Variants in PPFIA2 observed in about 807,000 individuals in gnomAD.
The protein encoded by PPFIA2 is liprin-alpha-2.
Under a neutral mutation model 175.5 loss-of-function variants are expected in PPFIA2, and 46 were observed. The observed-to-expected ratio is 0.26, with a 90% CI of 0.21 to 0.34. PPFIA2 has a LOEUF of 0.34. Among genes scored for constraint, PPFIA2 ranks in the 10% least tolerant of loss-of-function variants. PPFIA2 has a pLI of 1.00. For synonymous variants in PPFIA2, 568 were observed against 511.4 expected (o/e 1.11, Z -1.49); for missense variants, 1,179 against 1,506.1 (o/e 0.78, Z 3.60).
chr12:81,479,007 G>C (rs748750745), intron 4 of PPFIA2, among the ~76,000 whole-genome samples: 1 of 152,052 alleles, frequency 6.6e-6, no homozygotes, highest in Non-Finnish European at 1.5e-5. Flanking sequence ...ATTTAATATT[G>C]ACAGTGGGGT....
At chr12:81,555,452 G>A (rs558972696) in intron 4 of PPFIA2, among the ~76,000 whole-genome samples, 366 of 152,008 alleles carry the variant, frequency 2.4e-3, no homozygotes, top group African/African-American at 8.5e-3. Context: ...AATGAATGAT[G>A]TTGGCACATT....
chr12:81,678,225 CAATTGA>C (rs2072944620), intron 3 of PPFIA2, among the ~76,000 whole-genome samples: 1 of 151,576 alleles, frequency 6.6e-6, no homozygotes, highest in South Asian at 2.1e-4. Flanking sequence ...AATTAAGTCC[CAATTGA>C]AGTAATGGAA....
rs1336447780 is a variant in PPFIA2, at chr12:81,754,239, T to C, written c.-2-16A>G. On this transcript the variant is annotated splice_polypyrimidine_tract_variant and intron_variant, in intron 2 of 32. Coordinates refer to ENST00000549396, the MANE Select transcript of PPFIA2 (RefSeq NM_003625.5). ...CACATCATTGCTTAAAGAAAGTAAG[T>C]GGGAAGGAGTCTTAGTAAAGAAATG... is the stretch of plus-strand genomic sequence containing the variant. 5 of 1,576,752 alleles carry C rather than the reference T, an allele frequency of 3.2e-6. No homozygotes were observed. In the South Asian group the frequency reaches 4.6e-5, roughly 14 times the overall value.
intron 4 of PPFIA2, among the ~76,000 whole-genome samples, chr12:81,664,049 T>A (rs954187940): frequency 6.6e-6 from 1 of 152,166 alleles, no homozygotes; most frequent in Admixed American, 6.5e-5. Context: ...CAACATGGAT[T>A]AAAGACTTAA....
chr12:81,702,052 G>A (rs1257180133), intron 3 of PPFIA2, among the ~76,000 whole-genome samples: 3 of 152,120 alleles, frequency 2.0e-5, no homozygotes, highest in Non-Finnish European at 4.4e-5. Context: ...TGGGATGTAA[G>A]CTGGCATTTC....
intron 22 of PPFIA2, chr12:81,302,341 T>G (rs1338436459): frequency 4.1e-6 from 1 of 245,100 alleles, no homozygotes; most frequent in East Asian, 1.1e-4. Flanking sequence ...GAGAATTTGG[T>G]TAAGAGGCAA....
intron 19 of PPFIA2, among the ~76,000 whole-genome samples, chr12:81,341,456 T>TAA (rs3075253): frequency 0.94 from 142,781 of 152,058 alleles, 67,115 homozygotes; most frequent in East Asian, 0.98. Context: ...GTTTGATTAA[T>TAA]AAACACCATA....
chr12:81,298,610 A>C (rs2138179788), intron 23 of PPFIA2, among the ~76,000 whole-genome samples: 1 of 152,328 alleles, frequency 6.6e-6, no homozygotes, highest in South Asian at 2.1e-4. Context: ...AGTGAACAGT[A>C]CTGTTAAGTG....
chr12:81,280,302 A>G (rs927608243), intron 27 of PPFIA2, among the ~76,000 whole-genome samples: 53 of 152,324 alleles, frequency 3.5e-4, no homozygotes, highest in African/African-American at 1.3e-3. Context: ...GGGTTTTTTA[A>G]AAAACACTGT....
chr12:81,678,336 T>C (rs2072971623), intron 3 of PPFIA2, among the ~76,000 whole-genome samples: 2 of 151,874 alleles, frequency 1.3e-5, no homozygotes, highest in East Asian at 3.9e-4. Flanking sequence ...CAGATGATTT[T>C]CCCCTTATAT....
intron 22 of PPFIA2, among the ~76,000 whole-genome samples, chr12:81,314,447 A>C (rs1329631662): frequency 6.6e-6 from 1 of 151,972 alleles, no homozygotes; most frequent in Non-Finnish European, 1.5e-5. Context: ...ATTGGCAAGT[A>C]AGTTTTAATT....
intron 17 of PPFIA2, among the ~76,000 whole-genome samples, chr12:81,352,870 C>T (rs930961851): frequency 2.6e-5 from 4 of 152,084 alleles, no homozygotes; most frequent in Admixed American, 2.6e-4. Context: ...TCACTGATGT[C>T]ATTAATCTTA....
intron 3 of PPFIA2, among the ~76,000 whole-genome samples, chr12:81,677,782 T>C (rs1487549177): frequency 1.3e-5 from 2 of 151,894 alleles, no homozygotes; most frequent in African/African-American, 2.4e-5. Context: ...GTAATGACTA[T>C]AGTTGTTAAA....
chr12:81,273,794 T>A (rs73350742), intron 28 of PPFIA2, among the ~76,000 whole-genome samples: 7,932 of 152,098 alleles, frequency 0.052, 382 homozygotes, highest in African/African-American at 0.13. Flanking sequence ...GTCTTATTAT[T>A]ATTAGCTGCT....
At chr12:81,758,586 G>A in intron 1 of PPFIA2, 79 bp from the exon 2 acceptor site, 2 of 360,672 alleles carry the variant, frequency 5.5e-6, no homozygotes, top group Admixed American at 3.3e-5. Context: ...GCCCGGTGGC[G>A]TGGCAGGAGC....
At chr12:81,519,381 C>A (rs2062840494) in intron 4 of PPFIA2, among the ~76,000 whole-genome samples, 1 of 151,990 alleles carries the variant, frequency 6.6e-6, no homozygotes, top group Non-Finnish European at 1.5e-5. Context: ...AATGTAGTTC[C>A]CAAATTATTA....
rs531698589 is a variant in PPFIA2 at position 81,490,123 on chromosome 12, G to T, written c.304-32257C>A. Among the ~76,000 whole-genome samples the T allele has an allele frequency of 3.9e-5, 6 of 151,944 alleles. No homozygotes were observed. In the East Asian group the frequency reaches 1.2e-3, roughly 29 times the overall value. ...CTACATGGCTGATGTTGAATTAAGC[G>T]AATTAAGTTGTTGGAAACACACAAT... On this transcript the variant is annotated intron_variant, in intron 4 of 32. Transcript: ENST00000549396.
At chr12:81,315,708 T>C (rs951335404) in intron 22 of PPFIA2, among the ~76,000 whole-genome samples, 1 of 151,570 alleles carries the variant, frequency 6.6e-6, no homozygotes, top group Non-Finnish European at 1.5e-5. Context: ...GGTTAGTTTT[T>C]GAATGGGTGA....
intron 7 of PPFIA2, among the ~76,000 whole-genome samples, chr12:81,421,661 A>G (rs983630137): frequency 7.2e-5 from 11 of 152,104 alleles, no homozygotes; most frequent in African/African-American, 2.7e-4. Context: ...AGCAATTAAC[A>G]AAAAGAAATT....
Sources: gnomAD v4.1 joint callset for allele counts (sites outside exome capture counted in the v4.1 genomes callset) on GRCh38, gnomAD v4.1.1 for gene constraint, MANE v1.5 for transcripts, NCBI Gene and HGNC (gene_info 2026-07-23, HGNC 2026-07-21) for gene names.